AGBL1: variants seen among roughly 807,000 people sequenced by gnomAD.
The protein encoded by AGBL1 is AGBL carboxypeptidase 1.
In AGBL1, 130 loss-of-function variants were observed where a neutral mutation model predicts 118.9. The observed-to-expected ratio is 1.09, with a 90% CI of 0.95 to 1.26. The LOEUF is 1.26. AGBL1 is among the 50% of genes most tolerant of loss of function. The pLI is 0.00. For synonymous variants in AGBL1, 555 were observed against 478.9 expected (o/e 1.16, Z -2.08); for missense variants, 1,584 against 1,298.1 (o/e 1.22, Z -3.38).
intron 10 of AGBL1, among the ~76,000 whole-genome samples, chr15:86,263,306 G>T (rs1010589097): frequency 6.6e-6 from 1 of 152,188 alleles, no homozygotes; most frequent in African/African-American, 2.4e-5. Flanking sequence ...ATGCTGTACA[G>T]GTTTGTAGCC....
intron 22 of AGBL1, among the ~76,000 whole-genome samples, chr15:86,684,180 G>T (rs879428611): frequency 1.4e-4 from 21 of 152,272 alleles, no homozygotes; most frequent in Admixed American, 2.6e-4. Flanking sequence ...GGGATAAAAA[G>T]CATCTTAGAA....
chr15:86,947,902 T>C (rs2080842149), intron 23 of AGBL1, among the ~76,000 whole-genome samples: 1 of 152,212 alleles, frequency 6.6e-6, no homozygotes, highest in South Asian at 2.1e-4. Context: ...TGCTATCTGC[T>C]ATACTGGTGA....
intron 18 of AGBL1, among the ~76,000 whole-genome samples, chr15:86,416,491 A>T (rs2081697177): frequency 6.6e-6 from 1 of 152,188 alleles, no homozygotes; most frequent in Admixed American, 6.6e-5. Context: ...GTAACTGTGG[A>T]AACTCAGCCA....
chr15:86,459,840 C>T (rs1338021649), intron 18 of AGBL1, among the ~76,000 whole-genome samples: 2 of 152,056 alleles, frequency 1.3e-5, no homozygotes, highest in African/African-American at 2.4e-5. Flanking sequence ...TTTTATTGCC[C>T]AACGGGTACA....
chr15:86,598,929 T>A (rs2084449823), intron 21 of AGBL1, among the ~76,000 whole-genome samples: 1 of 152,156 alleles, frequency 6.6e-6, no homozygotes, highest in South Asian at 2.1e-4. Context: ...AGCAGTGGGC[T>A]ACTGAATGTT....
intron 17 of AGBL1, among the ~76,000 whole-genome samples, chr15:86,304,534 T>C (rs1386536385): frequency 1.3e-5 from 2 of 152,236 alleles, no homozygotes; most frequent in African/African-American, 4.8e-5. Flanking sequence ...CTATTGTATG[T>C]CTTTGAACTA....
intron 1 of AGBL1, chr15:86,088,113 C>A (rs930569): frequency 0.2 from 30,166 of 152,310 alleles, 3,672 homozygotes; most frequent in East Asian, 0.42. Context: ...ATGGGTATGC[C>A]TGTGTTCCAG....
chr15:86,428,686 A>G (rs1422810591), intron 18 of AGBL1, among the ~76,000 whole-genome samples: 2 of 152,242 alleles, frequency 1.3e-5, no homozygotes, highest in African/African-American at 4.8e-5. Context: ...GGGGCTGTTA[A>G]TCATGAGGAT....
chr15:86,781,177 T>C (rs1299535359), intron 22 of AGBL1, among the ~76,000 whole-genome samples: 2 of 152,212 alleles, frequency 1.3e-5, no homozygotes, highest in African/African-American at 4.8e-5. Context: ...TCTCTGTCAT[T>C]ACCTGACATG....
chr15:86,780,874 G>T (rs1455648568), intron 22 of AGBL1, among the ~76,000 whole-genome samples: 3 of 151,888 alleles, frequency 2.0e-5, no homozygotes, highest in African/African-American at 7.3e-5. Flanking sequence ...CACCATGTTT[G>T]CCTGTCTGAT....
At chr15:86,484,132 C>T (rs1567018647) in intron 18 of AGBL1, among the ~76,000 whole-genome samples, 1 of 152,104 alleles carries the variant, frequency 6.6e-6, no homozygotes, top group Non-Finnish European at 1.5e-5. Flanking sequence ...CAACATCTGG[C>T]TTGAGCAGCT....
At chr15:86,467,490 T>C (rs754033559) in intron 18 of AGBL1, among the ~76,000 whole-genome samples, 1 of 152,200 alleles carries the variant, frequency 6.6e-6, no homozygotes, top group Admixed American at 6.5e-5. Flanking sequence ...AGGTTCTCTC[T>C]CGCTGGCATT....
At chr15:86,763,873 T>G (rs1426071780) in intron 22 of AGBL1, among the ~76,000 whole-genome samples, 1 of 152,044 alleles carries the variant, frequency 6.6e-6, no homozygotes, top group African/African-American at 2.4e-5. Flanking sequence ...ATTTATGGAA[T>G]AGTTGAGCTT....
At chr15:87,025,639 G>GA (rs886131087) in intron 24 of AGBL1, among the ~76,000 whole-genome samples, 49 of 151,520 alleles carry the variant, frequency 3.2e-4, no homozygotes, top group Admixed American at 3.3e-4. Flanking sequence ...CACACAATTA[G>GA]AAAAAAAATT....
At chr15:86,782,372 C>T (rs1423306512) in intron 22 of AGBL1, among the ~76,000 whole-genome samples, 2 of 152,004 alleles carry the variant, frequency 1.3e-5, no homozygotes, top group Non-Finnish European at 2.9e-5. Flanking sequence ...TATATTATTC[C>T]CTTGCAAAAG....
intron 17 of AGBL1, among the ~76,000 whole-genome samples, chr15:86,319,183 T>C (rs1376842621): frequency 6.6e-6 from 1 of 152,108 alleles, no homozygotes; most frequent in Non-Finnish European, 1.5e-5. Context: ...CCTAACCGAG[T>C]ATATACTTAG....
At chr15:86,182,797 A>C (rs921546838) in intron 5 of AGBL1, among the ~76,000 whole-genome samples, 2 of 152,156 alleles carry the variant, frequency 1.3e-5, no homozygotes, top group African/African-American at 4.8e-5. Flanking sequence ...AGGATCTCTA[A>C]GATCAGAATA....
intron 16 of AGBL1, among the ~76,000 whole-genome samples, chr15:86,288,433 A>G (rs1035362705): frequency 1.3e-5 from 2 of 152,068 alleles, no homozygotes; most frequent in Admixed American, 1.3e-4. Context: ...ATAATTTAAT[A>G]TTGATTTTTG....
intron 18 of AGBL1, among the ~76,000 whole-genome samples, chr15:86,510,129 A>G (rs2083036486): frequency 6.6e-6 from 1 of 152,102 alleles, no homozygotes; most frequent in South Asian, 2.1e-4. Flanking sequence ...AGCTATTTAA[A>G]GACCCAATCA....
Sources: allele counts gnomAD v4.1 joint callset (sites outside exome capture counted in the v4.1 genomes callset), GRCh38; gene constraint gnomAD v4.1.1; transcripts MANE v1.5; gene names NCBI Gene and HGNC (gene_info 2026-07-23, HGNC 2026-07-21).